Variants in APPL2 observed in about 807,000 individuals in gnomAD.
The protein encoded by APPL2 is adaptor protein, phosphotyrosine interacting with PH domain and leucine zipper 2, also known as DCC-interacting protein 13-beta.
A neutral mutation model predicts 92.7 loss-of-function variants in APPL2; 84 were observed. The ratio of observed to expected loss-of-function variants is 0.91; its 90% CI spans 0.76 to 1.09. APPL2 has a LOEUF of 1.09. Among genes scored for constraint, APPL2 ranks in the 50% least tolerant of loss-of-function variants. APPL2 has a pLI of 0.00. For missense variants in APPL2, 736 were observed against 824.5 expected (o/e 0.89, Z 1.31); for synonymous variants, 291 against 291.0 (o/e 1.00, Z 0.00).
chr12:105,188,248 A>C, intron 17 of APPL2, 25 bp downstream of exon 17: 1 of 1,611,512 alleles, frequency 6.2e-7, no homozygotes, highest in Non-Finnish European at 8.5e-7. Flanking sequence ...GCCATAAGAA[A>C]GTCTGAAAAT....
At chr12:105,184,686 T>C (rs1034260822) in intron 17 of APPL2, among the ~76,000 whole-genome samples, 2 of 152,226 alleles carry the variant, frequency 1.3e-5, no homozygotes, top group African/African-American at 2.4e-5. Flanking sequence ...ATGAGGTGTC[T>C]GTCGATTCCT....
At chr12:105,229,882 G>T in intron 1 of APPL2, 1 of 482,660 alleles carries the variant, frequency 2.1e-6, no homozygotes, top group Non-Finnish European at 2.7e-6. Flanking sequence ...GGGCTCAAGG[G>T]ATTCTCTTGC....
At chr12:105,227,931 A>AATCAC (rs997335963) in intron 2 of APPL2, among the ~76,000 whole-genome samples, 1 of 152,206 alleles carries the variant, frequency 6.6e-6, no homozygotes, top group Admixed American at 6.5e-5. Flanking sequence ...CAACTCTTAC[A>AATCAC]ATCACCCTCC....
At chr12:105,208,225 T>G (rs1389564108) in intron 5 of APPL2, 26 bp from the exon 6 acceptor site, 1 of 1,613,758 alleles carries the variant, frequency 6.2e-7, no homozygotes, top group South Asian at 1.1e-5. Flanking sequence ...GGGACCGTCT[T>G]AGAGCAATGA....
At position 105,188,438 on chromosome 12, in the gene APPL2, A is replaced by G. The variant is rs200469851; in HGVS notation, c.1469T>C (p.Leu490Ser). 1 of 1,614,070 alleles carries G rather than the reference A, an allele frequency of 6.2e-7. No individual in the cohort carries two copies. The highest frequency in any genetic ancestry group is 1.1e-5 in the South Asian group (1 of 91,062). Residue 490 changes from leucine to serine, a missense_variant, in exon 17 of 21, where the codon TTG becomes TCG. Leu to Ser is a moderately radical substitution (Grantham distance 145). Coordinates refer to ENST00000258530, the MANE Select transcript of APPL2 (RefSeq NM_018171.5). ...ESFPEAEDSL[L>S]QQMFIVRFLG... The stretch of plus-strand genomic sequence containing the variant: ...AAACCGAACTATAAACATCTGCTGC[A>G]AAAGAGAATCTGGAAGACAGCATTT...
chr12:105,204,030 T>C (rs1888479200), intron 8 of APPL2, among the ~76,000 whole-genome samples: 1 of 152,182 alleles, frequency 6.6e-6, no homozygotes, highest in Admixed American at 6.5e-5. Flanking sequence ...CTGTCTAATA[T>C]TCACTTCCCA....
At chr12:105,188,811 T>G (rs1038953085) in intron 16 of APPL2, among the ~76,000 whole-genome samples, 3 of 152,212 alleles carry the variant, frequency 2.0e-5, no homozygotes, top group Non-Finnish European at 4.4e-5. Context: ...TTTGGCCCAC[T>G]GATAAAGTCC....
intron 5 of APPL2, among the ~76,000 whole-genome samples, chr12:105,208,415 C>T (rs959682058): frequency 6.6e-6 from 1 of 152,168 alleles, no homozygotes; most frequent in African/African-American, 2.4e-5. Flanking sequence ...CCCTGATGGC[C>T]TGAGCAGCCC....
chr12:105,179,072 G>A (rs938010735), intron 17 of APPL2, among the ~76,000 whole-genome samples: 5 of 152,122 alleles, frequency 3.3e-5, no homozygotes, highest in African/African-American at 1.2e-4. Context: ...TTGCTGTGGT[G>A]GTTTGCTGCG....
rs753935134 is a variant in APPL2, at chr12:105,190,147, A to G, written c.1250T>C (p.Leu417Pro). 2 of 1,613,642 alleles carry G rather than the reference A, an allele frequency of 1.2e-6. No individual in the cohort carries two copies. The highest frequency in any genetic ancestry group is 1.7e-6 in the Non-Finnish European group (2 of 1,179,872). ...KQESSCPSQNLKNSEMENEND... is the reference protein window; with the variant it reads ...KQESSCPSQNPKNSEMENEND... ...TTCATTTTCCATCTCTGAATTTTTC[A>G]GGTTCTGGCTGAAGGGGAAAAAAAT... Residue 417 changes from leucine to proline, a missense_variant, in exon 15 of 21, where the codon CTG becomes CCG. Leu to Pro is a moderately conservative substitution (Grantham distance 98). Coordinates refer to ENST00000258530, the MANE Select transcript of APPL2 (RefSeq NM_018171.5).
chr12:105,215,573 G>C (rs908619488), intron 4 of APPL2, among the ~76,000 whole-genome samples: 1 of 152,146 alleles, frequency 6.6e-6, no homozygotes, highest in African/African-American at 2.4e-5. Context: ...GAACTGGTTT[G>C]TTGAATAAAC....
chr12:105,228,857 C>T (rs1890713251), intron 2 of APPL2, among the ~76,000 whole-genome samples: 1 of 152,020 alleles, frequency 6.6e-6, no homozygotes, highest in African/African-American at 2.4e-5. Context: ...CAAATGTTTC[C>T]CACTGGGTTG....
At chr12:105,234,063 A>G (rs934736910) in intron 1 of APPL2, among the ~76,000 whole-genome samples, 1 of 152,212 alleles carries the variant, frequency 6.6e-6, no homozygotes, top group African/African-American at 2.4e-5. Flanking sequence ...AGACCTTCTT[A>G]AAGTCAGCTT....
At chr12:105,186,040 T>C (rs1298638899) in intron 17 of APPL2, among the ~76,000 whole-genome samples, 1 of 152,242 alleles carries the variant, frequency 6.6e-6, no homozygotes. Flanking sequence ...TGTTGCCTTT[T>C]GTACCTGGCT....
rs374248068 is a variant in APPL2 at position 105,177,234 on chromosome 12, T to G, written c.1663A>C (p.Arg555=). The G allele has an allele frequency of 6.2e-7, 1 of 1,613,898 alleles. No individual in the cohort carries two copies. The highest frequency in any genetic ancestry group is 1.3e-5 in the African/African-American group (1 of 74,942). Residue 555 remains arginine, a synonymous_variant, in exon 18 of 21, where the codon AGG becomes CGG. Coordinates refer to ENST00000258530, the MANE Select transcript of APPL2 (RefSeq NM_018171.5). The part of the protein sequence containing the change: ...RLIDPQTQVS[R]ANFELTSVTQ... ...CTGTATGCGGTACTTACATTGGCCC[T>G]TGATACTTGAGTCTGTGGATCTATC...
intron 19 of APPL2, chr12:105,176,334 GTTC>G: frequency 1.8e-6 from 1 of 541,976 alleles, no homozygotes. Context: ...AGTGTTAAAA[GTTC>G]TTAATAGGAA....
chr12:105,187,543 TC>T (rs1886837683), intron 17 of APPL2, among the ~76,000 whole-genome samples: 1 of 152,346 alleles, frequency 6.6e-6, no homozygotes, highest in East Asian at 1.9e-4. Flanking sequence ...AGCAGTGCTG[TC>T]CCTTAGAAAT....
rs551039676 is a variant in APPL2 at position 105,214,041 on chromosome 12, C to T, written c.286-2724G>A. ...TCTCTACTAAAAATACAAAATTGGC[C>T]GGGCGTGGTGGTGCATGCCTGTAAT... On this transcript the variant is annotated intron_variant, in intron 4 of 20. Coordinates refer to ENST00000258530, the MANE Select transcript of APPL2 (RefSeq NM_018171.5). Among the ~76,000 whole-genome samples the T allele has an allele frequency of 2.0e-5, 3 of 152,032 alleles. 1 individual carries two copies. Among genetic ancestry groups the T allele is most frequent in the South Asian group, 4.2e-4 (2 of 4,816 alleles).
Position 105,181,586 on chromosome 12 carries a change from G to C in APPL2, c.1635-4324C>G, listed in dbSNP as rs536714879. Among the ~76,000 whole-genome samples, 22 of 152,266 alleles carry C rather than the reference G, an allele frequency of 1.4e-4. No individual in the cohort carries two copies. In the South Asian group the frequency reaches 4.6e-3, roughly 32 times the overall value. On this transcript the variant is annotated intron_variant, in intron 17 of 20. Transcript: ENST00000258530. ...TAGAATGTGGCTGTGAATCCATCTG[G>C]TCCTGGGCTTTTTTTTGGTTGGTAG...
Sources: allele counts gnomAD v4.1 joint callset (sites outside exome capture counted in the v4.1 genomes callset), GRCh38; gene constraint gnomAD v4.1.1; transcripts MANE v1.5; gene names NCBI Gene and HGNC (gene_info 2026-07-23, HGNC 2026-07-21).